BIRC6: variants seen among roughly 807,000 people sequenced by gnomAD.
The protein encoded by BIRC6 is dual E2 ubiquitin-conjugating enzyme/E3 ubiquitin-protein ligase BIRC6.
Under a neutral mutation model 503.3 loss-of-function variants are expected in BIRC6, and 98 were observed. The ratio of observed to expected loss-of-function variants is 0.19; its 90% confidence interval spans 0.17 to 0.23. The LOEUF is 0.23. BIRC6 is among the 10% of genes least tolerant of loss of function. BIRC6 has a pLI of 1.00. For synonymous variants in BIRC6, 2,240 were observed against 2,078.7 expected (o/e 1.08, Z -2.11); for missense variants, 5,360 against 5,806.0 (o/e 0.92, Z 2.50).
intron 66 of BIRC6, among the ~76,000 whole-genome samples, chr2:32,581,015 T>C (rs1341486092): frequency 6.6e-6 from 1 of 152,206 alleles, no homozygotes; most frequent in East Asian, 1.9e-4. Context: ...GAATCCGACG[T>C]CTACAATGTT....
chr2:32,452,786 A>G (rs1332451951), intron 22 of BIRC6, among the ~76,000 whole-genome samples: 1 of 152,166 alleles, frequency 6.6e-6, no homozygotes, highest in Non-Finnish European at 1.5e-5. Flanking sequence ...CCTAATAACC[A>G]CTAACATAGA....
At chr2:32,600,540 C>T (rs2061984378) in intron 70 of BIRC6, among the ~76,000 whole-genome samples, 1 of 152,138 alleles carries the variant, frequency 6.6e-6, no homozygotes, top group Non-Finnish European at 1.5e-5. Context: ...AGAGGCAGAA[C>T]TTTCTTTGGA....
intron 33 of BIRC6, among the ~76,000 whole-genome samples, chr2:32,475,340 G>C (rs143506902): frequency 6.6e-6 from 1 of 152,218 alleles, no homozygotes; most frequent in African/African-American, 2.4e-5. Flanking sequence ...ACAGTCACCA[G>C]ATTGTAAGGT....
intron 6 of BIRC6, among the ~76,000 whole-genome samples, chr2:32,398,837 C>T (rs1348433611): frequency 1.3e-5 from 2 of 151,920 alleles, no homozygotes; most frequent in African/African-American, 4.8e-5. Flanking sequence ...GGGAACCTGG[C>T]CCAAATGTCA....
intron 66 of BIRC6, among the ~76,000 whole-genome samples, chr2:32,581,687 T>G (rs1169837912): frequency 1.3e-5 from 2 of 152,168 alleles, no homozygotes; most frequent in Non-Finnish European, 2.9e-5. Flanking sequence ...TGAAATATAT[T>G]AGACCATGTG....
chr2:32,583,485 A>G (rs1370530143), intron 66 of BIRC6, among the ~76,000 whole-genome samples: 1 of 152,214 alleles, frequency 6.6e-6, no homozygotes, highest in Non-Finnish European at 1.5e-5. Flanking sequence ...AATTAAGGCC[A>G]TTTCTGAGAT....
chr2:32,393,556 A>T (rs2039509227), intron 5 of BIRC6, among the ~76,000 whole-genome samples: 1 of 152,170 alleles, frequency 6.6e-6, no homozygotes, highest in Non-Finnish European at 1.5e-5. Context: ...TGTCAACCCA[A>T]GTTGGAGTGC....
At chr2:32,507,427 C>G (rs2053921477) in intron 50 of BIRC6, among the ~76,000 whole-genome samples, 1 of 152,096 alleles carries the variant, frequency 6.6e-6, no homozygotes. Flanking sequence ...GAGCAAGACT[C>G]TATCTCAGGA....
intron 10 of BIRC6, among the ~76,000 whole-genome samples, chr2:32,423,468 C>G (rs1430312312): frequency 6.6e-6 from 1 of 152,204 alleles, no homozygotes; most frequent in African/African-American, 2.4e-5. Context: ...CCCATTCATT[C>G]TACCCTCCGC....
intron 15 of BIRC6, among the ~76,000 whole-genome samples, chr2:32,438,691 T>C (rs572300186): frequency 2.0e-5 from 3 of 151,656 alleles, no homozygotes; most frequent in African/African-American, 7.2e-5. Context: ...TCCTGAGTAG[T>C]TGGGACTACA....
At chr2:32,483,421 A>T (rs1299856975) in intron 39 of BIRC6, among the ~76,000 whole-genome samples, 3 of 152,106 alleles carry the variant, frequency 2.0e-5, no homozygotes, top group South Asian at 2.1e-4. Context: ...TGGTAATTTG[A>T]TGTCATTTTT....
At chr2:32,424,765 G>T (rs1254108996) in intron 10 of BIRC6, among the ~76,000 whole-genome samples, 1 of 151,946 alleles carries the variant, frequency 6.6e-6, no homozygotes, top group Non-Finnish European at 1.5e-5. Flanking sequence ...CTCCCACCTC[G>T]CCCACCCAAC....
chr2:32,525,658 G>T (rs879849248), intron 59 of BIRC6, 30 bp downstream of exon 59: 1 of 1,586,838 alleles, frequency 6.3e-7, no homozygotes, highest in South Asian at 1.2e-5. Context: ...AAACGTCAAA[G>T]AAATTTTAGT....
rs773546342 is a variant in BIRC6 at position 32,617,938 on chromosome 2, C to T, written c.*34C>T. ...GATGTGGACTTCATAGACACAAAGG[C>T]TTCGAAGCACAAGCCAAATATGTCA... is the stretch of plus-strand genomic sequence containing the variant. On this transcript the variant is annotated 3_prime_UTR_variant, in exon 74 of 74. Coordinates refer to ENST00000421745, the MANE Select transcript of BIRC6 (RefSeq NM_016252.4). 6.4e-7 allele frequency: 1 copy of T among 1,574,654 alleles called. No individual in the cohort carries two copies. The highest frequency in any genetic ancestry group is 2.3e-5 in the East Asian group (1 of 44,188).
At chr2:32,382,619 A>G (rs1162400157) in intron 3 of BIRC6, among the ~76,000 whole-genome samples, 1 of 152,230 alleles carries the variant, frequency 6.6e-6, no homozygotes, top group Non-Finnish European at 1.5e-5. Context: ...CTCAGAGACA[A>G]CAGTTTAATT....
At position 32,468,775 on chromosome 2, in the gene BIRC6, C is replaced by T; in HGVS notation, c.6119C>T (p.Ala2040Val). ...GACACTTTGCTCAGCCTGCTTCATGCTTCTAATGGTTTGTATTTGGCTTAC... is the reference window on the plus strand; with the variant it reads ...GACACTTTGCTCAGCCTGCTTCATGTTTCTAATGGTTTGTATTTGGCTTAC... ...LLDTLLSLLH[A>V]SNGHSVPAVL... The change falls in exon 29 of 74, where the codon GCT becomes GTT. Residue 2040 changes from alanine (A) to valine (V), a missense_variant. Physicochemically the swap from Ala to Val is moderately conservative, Grantham distance 64 (BLOSUM62 0). Coordinates refer to ENST00000421745, the MANE Select transcript of BIRC6 (RefSeq NM_016252.4). 6.3e-7 allele frequency: 1 copy of T among 1,589,294 alleles called. No individual in the cohort carries two copies. The highest frequency in any genetic ancestry group is 8.6e-7 in the Non-Finnish European group (1 of 1,163,132).
At chr2:32,433,561 A>AT in intron 12 of BIRC6, 83 bp from the exon 13 acceptor site, 1 of 1,244,818 alleles carries the variant, frequency 8.0e-7, no homozygotes, top group Non-Finnish European at 1.1e-6. Context: ...AGCAAAAAGT[A>AT]GGAAAGGTGA....
At chr2:32,477,644 A>G in intron 35 of BIRC6, 61 bp downstream of exon 35, 1 of 1,343,022 alleles carries the variant, frequency 7.4e-7, no homozygotes, top group Non-Finnish European at 1.0e-6. Flanking sequence ...CATGCCTGTA[A>G]TCCCAGCACT....
intron 8 of BIRC6, among the ~76,000 whole-genome samples, chr2:32,403,756 T>C (rs914612728): frequency 3.9e-5 from 6 of 152,194 alleles, no homozygotes; most frequent in Non-Finnish European, 4.4e-5. Context: ...TTTTGCAAAA[T>C]GTAGAAGGCT....
Sources: allele counts gnomAD v4.1 joint callset (sites outside exome capture counted in the v4.1 genomes callset), GRCh38; gene constraint gnomAD v4.1.1; transcripts MANE v1.5; gene names NCBI Gene and HGNC (gene_info 2026-07-23, HGNC 2026-07-21).